CLCA4: variants seen among roughly 807,000 people sequenced by gnomAD.
CLCA4 encodes the protein calcium-activated chloride channel regulator 4.
CLCA4 carries 69 observed loss-of-function variants against 78.9 expected under a neutral mutation model. That is an observed-to-expected ratio of 0.87 (90% CI 0.72 to 1.07). CLCA4 has a LOEUF of 1.07. CLCA4 is among the 50% of genes least tolerant of loss of function. The probability of loss-of-function intolerance (pLI) is 0.00; values close to 1 mark genes in which losing one functional copy is unlikely to be tolerated. For missense variants in CLCA4, 1,133 were observed against 1,095.8 expected (o/e 1.03, Z -0.48); for synonymous variants, 362 against 375.8 (o/e 0.96, Z 0.42).
Position 86,580,570 on chromosome 1 carries a change from T to G in CLCA4, c.*225T>G, listed in dbSNP as rs1650689291. ...AAAATTTAATAGTTTCATTTATTTG[T>G]TATTTTATTTGTAAGAAATAGTGAT... On this transcript the variant is annotated 3_prime_UTR_variant, in exon 14 of 14. Transcript: ENST00000370563. 1 of 370,670 alleles carries G rather than the reference T, an allele frequency of 2.7e-6. No homozygotes were observed. The highest frequency in any genetic ancestry group is 2.1e-5 in the African/African-American group (1 of 47,916). 23.0% of individuals were successfully genotyped at this position (370,670 alleles called of 1,614,324 possible). A position where few individuals can be genotyped will look rare whatever the true frequency, so the allele number is the denominator to read the frequency against.
rs371884349 is a variant in CLCA4, at chr1:86,567,885, A to G, written c.1182+234A>G. 5.3e-5 allele frequency among the ~76,000 whole-genome samples: 8 copies of G among 152,156 alleles called. No individual in the cohort carries two copies. In the East Asian group the frequency reaches 1.4e-3, roughly 26 times the overall value. On this transcript the variant is annotated intron_variant, in intron 7 of 13. Coordinates refer to ENST00000370563, the MANE Select transcript of CLCA4 (RefSeq NM_012128.4). Reference sequence around the variant, plus strand: ...AATTTACCACTCACTTACAAGCCCAAGGAAGTCATGGACTTTGCTGTCTTG... The same window carrying G: ...AATTTACCACTCACTTACAAGCCCAGGGAAGTCATGGACTTTGCTGTCTTG...
intron 5 of CLCA4, 24 bp from the exon 6 acceptor site, chr1:86,565,778 T>C (rs757799842): frequency 7.4e-7 from 1 of 1,345,696 alleles, no homozygotes; most frequent in South Asian, 1.7e-5. Context: ...ATTAAAATTA[T>C]TTTTTATTTT....
chr1:86,565,745 T>C (rs533976477), intron 5 of CLCA4, 57 bp from the exon 6 acceptor site: 24 of 1,095,910 alleles, frequency 2.2e-5, no homozygotes, highest in Non-Finnish European at 2.9e-5. Context: ...AGGTTTGTAG[T>C]TTGATTTTTA....
rs1650146154 is a variant in CLCA4 at position 86,565,319 on chromosome 1, A to T, written c.603A>T (p.Gln201His). 3.7e-6 allele frequency: 6 copies of T among 1,609,638 alleles called. No individual in the cohort carries two copies. Among genetic ancestry groups the T allele is most frequent in the Non-Finnish European group, 5.1e-6 (6 of 1,177,770 alleles). ...GTAGAAATAGAGTTTATAAGTGTCA[A>T]GGAGGCAGCTGTCTTAGTAGAGCAT... is the stretch of plus-strand genomic sequence containing the variant. ...ISGRNRVYKCQGGSCLSRACR... is the reference protein window; with the variant it reads ...ISGRNRVYKCHGGSCLSRACR... The change falls in exon 5 of 14, where the codon CAA becomes CAT. Residue 201 changes from glutamine (Q) to histidine (H), a missense_variant. Transcript: ENST00000370563.
intron 7 of CLCA4, among the ~76,000 whole-genome samples, chr1:86,569,195 A>G (rs1650281523): frequency 6.6e-6 from 1 of 152,026 alleles, no homozygotes; most frequent in African/African-American, 2.4e-5. Flanking sequence ...AAGGAGAACT[A>G]CTTTGGGTAG....
intron 7 of CLCA4, among the ~76,000 whole-genome samples, chr1:86,570,255 T>C (rs1650310881): frequency 6.6e-6 from 1 of 151,970 alleles, no homozygotes; most frequent in Admixed American, 6.6e-5. Flanking sequence ...CTGTCATTTT[T>C]CACCTCTTGG....
chr1:86,565,485 A>G (rs756363123), intron 5 of CLCA4, 34 bp downstream of exon 5: 1 of 1,458,098 alleles, frequency 6.9e-7, no homozygotes, highest in Non-Finnish European at 9.4e-7. Context: ...CAGAATTTAT[A>G]ATCAAATGAC....
Position 86,567,660 on chromosome 1 carries a change from C to G in CLCA4, c.1182+9C>G. On this transcript the variant is annotated intron_variant, in intron 7 of 13. Coordinates refer to ENST00000370563, the MANE Select transcript of CLCA4 (RefSeq NM_012128.4). ...TTAAATATGCATTTCAGGTGAAAAT[C>G]GTACTGCAAATATATTTTGGTTTTT... 2.5e-6 allele frequency: 4 copies of G among 1,602,616 alleles called. No homozygotes were observed. The highest frequency in any genetic ancestry group is 3.4e-6 in the Non-Finnish European group (4 of 1,171,564).
intron 1 of CLCA4, among the ~76,000 whole-genome samples, chr1:86,548,684 GA>G (rs10615856): frequency 0.59 from 55,795 of 94,040 alleles, 15,140 homozygotes; most frequent in South Asian, 0.69. Flanking sequence ...TCCCTCTCTG[GA>G]AAAAAAAAAA....
At chr1:86,573,031 C>A (rs141421055) in intron 9 of CLCA4, 281 of 310,100 alleles carry the variant, frequency 9.1e-4, no homozygotes, top group African/African-American at 5.9e-3. Flanking sequence ...ATAAAGCACC[C>A]ATTTTTCAAT....
At chr1:86,552,798 T>G (rs1285828373) in intron 1 of CLCA4, 52 of 1,090,586 alleles carry the variant, frequency 4.8e-5, no homozygotes, top group Non-Finnish European at 7.0e-5. Flanking sequence ...TGTCCACGCC[T>G]GAAAACAGCT....
chr1:86,564,176 A>C (rs1249922907), intron 4 of CLCA4, among the ~76,000 whole-genome samples: 1 of 152,154 alleles, frequency 6.6e-6, no homozygotes, highest in East Asian at 1.9e-4. Context: ...CTTCTTGGAG[A>C]TTTATAAAGG....
chr1:86,567,715 T>C (rs1161194972), intron 7 of CLCA4, 64 bp downstream of exon 7: 2 of 1,292,102 alleles, frequency 1.5e-6, no homozygotes. Context: ...TCATGTTAAG[T>C]GGTACTGCAC....
In CLCA4 at chr1:86,579,555, C is replaced by T. The variant is rs895670909; in HGVS notation, c.2324C>T (p.Thr775Ile). Residue 775 changes from threonine (T) to isoleucine (I), a missense_variant, in exon 13 of 14, where the codon ACA becomes ATA. Physicochemically the swap from Thr to Ile is moderately conservative, Grantham distance 89 (BLOSUM62 -1). Coordinates refer to ENST00000370563, the MANE Select transcript of CLCA4 (RefSeq NM_012128.4). ...VHEDKIILTW[T>I]APGDNFDVGK... ...GAGGATAAGATTATTCTTACATGGACAGCACCAGGAGATAATTTTGATGTT... is the reference window on the plus strand; with the variant it reads ...GAGGATAAGATTATTCTTACATGGATAGCACCAGGAGATAATTTTGATGTT... 14 of 1,610,990 alleles carry T rather than the reference C, an allele frequency of 8.7e-6. No homozygotes were observed. The highest frequency in any genetic ancestry group is 8.4e-5 in the Admixed American group (5 of 59,838).
In CLCA4 at chr1:86,560,037, CA is replaced by C; in HGVS notation, c.266del (p.Gln89ArgfsTer16). ...LIPENWKENPQYKRPKHENHK... is the reference protein window; with the variant it reads ...LIPENWKENPXYKRPKHENHK... ...TCCTGAGAATTGGAAGGAAAATCCT[CA>C]GTACAAAAGGCCAAAACATGAAAAC... On this transcript the variant is annotated frameshift_variant, in exon 2 of 14. Transcript: ENST00000370563. LOFTEE classifies it high-confidence loss of function. 1 of 1,607,438 alleles carries C rather than the reference CA, an allele frequency of 6.2e-7. No individual in the cohort carries two copies. Among genetic ancestry groups the C allele is most frequent in the Non-Finnish European group, 8.5e-7 (1 of 1,177,952 alleles).
In CLCA4 at chr1:86,565,423, C is replaced by A. The variant is rs760951120; in HGVS notation, c.707C>A (p.Ser236Tyr). Residue 236 changes from serine (S) to tyrosine (Y), a missense_variant, in exon 5 of 14, where the codon TCC becomes TAC. Coordinates refer to ENST00000370563, the MANE Select transcript of CLCA4 (RefSeq NM_012128.4). ...GATAAAGTACAAACAGAAAAAGCAT[C>A]CATAATGTTTATGCAAAGTATTGAT... The part of the protein sequence containing the change: ...FPDKVQTEKA[S>Y]IMFMQSIDSV... 3.2e-5 allele frequency: 51 copies of A among 1,599,112 alleles called. No homozygotes were observed. The highest frequency in any genetic ancestry group is 4.1e-5 in the Non-Finnish European group (48 of 1,172,812).
At chr1:86,572,989 A>G in intron 9 of CLCA4, 1 of 369,532 alleles carries the variant, frequency 2.7e-6, no homozygotes, top group South Asian at 3.0e-5. Flanking sequence ...TTATAATGTC[A>G]AATTTTTCAC....
At position 86,580,495 on chromosome 1, in the gene CLCA4, T is replaced by C; in HGVS notation, c.*150T>C. The C allele has an allele frequency of 1.9e-6, 1 of 519,778 alleles. No individual in the cohort carries two copies. Among genetic ancestry groups the C allele is most frequent in the Non-Finnish European group, 3.1e-6 (1 of 323,658 alleles). 32.2% of individuals were successfully genotyped at this position (519,778 alleles called of 1,614,324 possible). A position where few individuals can be genotyped will look rare whatever the true frequency, so the allele number is the denominator to read the frequency against. ...ATAATTTTAAGATGTCGGAAAAGGATACTTTGATTAAATAAAAACACTCAT... is the reference window on the plus strand; with the variant it reads ...ATAATTTTAAGATGTCGGAAAAGGACACTTTGATTAAATAAAAACACTCAT... On this transcript the variant is annotated 3_prime_UTR_variant, in exon 14 of 14. Coordinates refer to ENST00000370563, the MANE Select transcript of CLCA4 (RefSeq NM_012128.4).
At chr1:86,556,482 C>T (rs926404339) in intron 1 of CLCA4, among the ~76,000 whole-genome samples, 1 of 152,094 alleles carries the variant, frequency 6.6e-6, no homozygotes, top group Non-Finnish European at 1.5e-5. Context: ...TGTGATGAAT[C>T]ACTTTTATTG....
Sources: allele counts gnomAD v4.1 joint callset (sites outside exome capture counted in the v4.1 genomes callset), GRCh38; gene constraint gnomAD v4.1.1; transcripts MANE v1.5; gene names NCBI Gene and HGNC (gene_info 2026-07-23, HGNC 2026-07-21).